The following PAWR variants were observed in gnomAD, a reference collection of about 807,000 sequenced individuals.
PAWR encodes PRKC apoptosis WT1 regulator protein.
PAWR carries 23 observed loss-of-function variants against 32.0 expected under a neutral mutation model. That is an observed-to-expected ratio of 0.72 (90% CI 0.52 to 1.02). The LOEUF (loss-of-function observed/expected upper bound fraction) is 1.02, where lower values mean the gene tolerates loss of function less well. Ranked by LOEUF, PAWR falls within the 50% of genes least tolerant of loss-of-function variation. The pLI is 0.00. For synonymous variants in PAWR, 226 were observed against 187.1 expected, an observed-to-expected ratio of 1.21 and a Z score of -1.70; for missense variants, 457 against 437.7, an observed-to-expected ratio of 1.04 and a Z score of -0.39.
intron 2 of PAWR, among the ~76,000 whole-genome samples, chr12:79,685,198 A>G (rs977242249): frequency 5.9e-5 from 9 of 152,230 alleles, no homozygotes; most frequent in African/African-American, 1.7e-4. Context: ...AACATTTAGG[A>G]AAGCTGGGCT....
In PAWR at chr12:79,690,857, G is replaced by A. The variant is rs1592566089; in HGVS notation, c.-148+15C>T. ...GCCGAGCGTGGAAAGGACCGGGTGT[G>A]AGCGAGCGCCTTACCTTGGAGGAGC... On this transcript the variant is annotated intron_variant, in intron 1 of 6. Coordinates refer to ENST00000328827, the MANE Select transcript of PAWR (RefSeq NM_002583.4). 2 of 152,382 alleles carry A rather than the reference G, an allele frequency of 1.3e-5. No individual in the cohort carries two copies. The highest frequency in any genetic ancestry group is 1.3e-4 in the Admixed American group (2 of 15,310). The allele number at this position is 152,382 out of a possible 1,614,324, so 9.4% of individuals were successfully genotyped here. A position where few individuals can be genotyped will look rare whatever the true frequency, so the allele number is the denominator to read the frequency against.
chr12:79,658,197 G>A (rs528847428), intron 2 of PAWR, among the ~76,000 whole-genome samples: 8 of 152,214 alleles, frequency 5.3e-5, no homozygotes, highest in African/African-American at 1.9e-4. Context: ...ACAGATCTTT[G>A]CACCTGGCAT....
intron 5 of PAWR, 44 bp from the exon 6 acceptor site, chr12:79,594,477 T>G: frequency 2.2e-6 from 2 of 924,878 alleles, no homozygotes; most frequent in Non-Finnish European, 3.4e-6. Context: ...AGTAATTGTT[T>G]ATTTATAATC....
intron 2 of PAWR, chr12:79,668,459 C>G (rs1877719885): frequency 6.6e-6 from 1 of 152,128 alleles, no homozygotes; most frequent in Admixed American, 6.5e-5. Flanking sequence ...AATTATAGAC[C>G]AGTGGTTCCC....
intron 2 of PAWR, among the ~76,000 whole-genome samples, chr12:79,639,648 C>A (rs926095429): frequency 1.3e-5 from 2 of 152,034 alleles, no homozygotes; most frequent in East Asian, 3.9e-4. Context: ...TAATGCATAC[C>A]TTCATTTTCA....
chr12:79,631,574 C>CA (rs1329343510), intron 2 of PAWR, among the ~76,000 whole-genome samples: 2 of 152,042 alleles, frequency 1.3e-5, no homozygotes, highest in South Asian at 2.1e-4. Context: ...AAACAAAATA[C>CA]AAAAAACACA....
At position 79,586,666 on chromosome 12, in the gene PAWR, A is replaced by C. The variant is rs919233461; in HGVS notation, c.*5941T>G. The C allele has an allele frequency of 6.6e-6, 1 of 152,190 alleles. No homozygotes were observed. The highest frequency in any genetic ancestry group is 1.5e-5 in the Non-Finnish European group (1 of 68,010). 9.4% of individuals were successfully genotyped at this position (152,190 alleles called of 1,614,324 possible). ...CTGTTTTTCATATGTGTAAAGTAAA[A>C]ATTCAATCTATCTTTAACCGGCTCA... On this transcript the variant is annotated 3_prime_UTR_variant, in exon 7 of 7. Transcript: ENST00000328827.
At chr12:79,686,031 C>A (rs1878664672) in intron 2 of PAWR, among the ~76,000 whole-genome samples, 1 of 152,192 alleles carries the variant, frequency 6.6e-6, no homozygotes, top group Admixed American at 6.5e-5. Flanking sequence ...TTGCTGTGAA[C>A]TTCAGTACAT....
At chr12:79,669,041 T>C (rs1400188708) in intron 2 of PAWR, among the ~76,000 whole-genome samples, 1 of 152,236 alleles carries the variant, frequency 6.6e-6, no homozygotes, top group Non-Finnish European at 1.5e-5. Context: ...TTTTAAATAA[T>C]TTCACTTATC....
intron 4 of PAWR, among the ~76,000 whole-genome samples, chr12:79,605,120 GTAA>G (rs1454717671): frequency 4.6e-5 from 7 of 151,808 alleles, no homozygotes; most frequent in African/African-American, 7.3e-5. Flanking sequence ...ACATAAACAG[GTAA>G]TAATTTTCTT....
At position 79,585,241 on chromosome 12, in the gene PAWR, T is replaced by C; in HGVS notation, c.*7366A>G. The stretch of plus-strand genomic sequence containing the variant: ...AAAGACCAAGATCTTTGCTTAAAAA[T>C]AGAAATGCATACTGCAGTGGCTCAA... On this transcript the variant is annotated 3_prime_UTR_variant, in exon 7 of 7. Transcript: ENST00000328827. The C allele has an allele frequency of 9.4e-6, 4 of 423,836 alleles. No individual in the cohort carries two copies. Among genetic ancestry groups the C allele is most frequent in the East Asian group, 1.4e-4 (2 of 13,844 alleles). 26.3% of individuals were successfully genotyped at this position (423,836 alleles called of 1,614,324 possible). A position where few individuals can be genotyped will look rare whatever the true frequency, so the allele number is the denominator to read the frequency against.
In PAWR at chr12:79,682,504, T is replaced by C. The variant is rs192071901; in HGVS notation, c.516+7225A>G. Among the ~76,000 whole-genome samples, 28 of 152,334 alleles carry C rather than the reference T, an allele frequency of 1.8e-4. No individual in the cohort carries two copies. The East Asian group carries it at 5.4e-3, about 29-fold the overall frequency. Reference sequence around the variant, plus strand: ...GAGACTATCATTGAAAAATACACTGTGACCCACAAAATTTTGCTGGACAAA... The same window carrying C: ...GAGACTATCATTGAAAAATACACTGCGACCCACAAAATTTTGCTGGACAAA... On this transcript the variant is annotated intron_variant, in intron 2 of 6. Transcript: ENST00000328827.
chr12:79,593,643 G>T (rs1476756612), intron 6 of PAWR, among the ~76,000 whole-genome samples: 1 of 149,008 alleles, frequency 6.7e-6, no homozygotes, highest in Non-Finnish European at 1.5e-5. Context: ...CTGGGCAACA[G>T]AGAGAGACTC....
chr12:79,687,094 A>G (rs2136897618), intron 2 of PAWR, among the ~76,000 whole-genome samples: 1 of 152,342 alleles, frequency 6.6e-6, no homozygotes, highest in Non-Finnish European at 1.5e-5. Flanking sequence ...AAAATAGAAA[A>G]TGTAAAAATT....
Position 79,613,934 on chromosome 12 carries a change from TA to T in PAWR, c.649-326del, listed in dbSNP as rs1874557695. On this transcript the variant is annotated intron_variant, in intron 3 of 6. Coordinates refer to ENST00000328827, the MANE Select transcript of PAWR (RefSeq NM_002583.4). Reference sequence around the variant, plus strand: ...GGGGCATTAAAAAGTACCACCATTATATATATATATATATATATATATATAT... The same window carrying T: ...GGGGCATTAAAAAGTACCACCATTATTATATATATATATATATATATATAT... 2.0e-3 allele frequency among the ~76,000 whole-genome samples: 8 copies of T among 3,984 alleles called. 1 individual carries two copies. Among genetic ancestry groups the T allele is most frequent in the African/African-American group, 3.7e-3 (7 of 1,878 alleles). 2.6% of individuals were successfully genotyped at this position (3,984 alleles called of 152,430 possible). A position where few individuals can be genotyped will look rare whatever the true frequency, so the allele number is the denominator to read the frequency against.
Position 79,690,224 on chromosome 12 carries a change from C to T in PAWR, c.21G>A (p.Arg7=), listed in dbSNP as rs1350541510. 2.0e-6 allele frequency: 3 copies of T among 1,518,442 alleles called. No individual in the cohort carries two copies. The highest frequency in any genetic ancestry group is 2.6e-6 in the Non-Finnish European group (3 of 1,137,830). 94.1% of individuals were successfully genotyped at this position (1,518,442 alleles called of 1,614,324 possible). A position where few individuals can be genotyped will look rare whatever the true frequency, so the allele number is the denominator to read the frequency against. Residue 7 remains arginine, a synonymous_variant, in exon 2 of 7, where the codon CGG becomes CGA. Transcript: ENST00000328827. ...TGCTGCCGCCGAGGCCGCTGCTGGTCCGGTAGCCACCGGTCGCCATATTCC... is the reference window on the plus strand; with the variant it reads ...TGCTGCCGCCGAGGCCGCTGCTGGTTCGGTAGCCACCGGTCGCCATATTCC... MATGGY[R]TSSGLGGSTT...
intron 2 of PAWR, among the ~76,000 whole-genome samples, chr12:79,677,889 G>A (rs1032639463): frequency 6.6e-6 from 1 of 152,080 alleles, no homozygotes; most frequent in Non-Finnish European, 1.5e-5. Context: ...CAAACTCAGG[G>A]ATAACGTTAA....
At chr12:79,639,881 T>TATTCCTATTCCTATTCCCATTCCC in intron 2 of PAWR, among the ~76,000 whole-genome samples, 2 of 112,502 alleles carry the variant, frequency 1.8e-5, no homozygotes, top group African/African-American at 1.0e-4. Context: ...TTCCTATTCC[T>TATTCCTATTCCTATTCCCATTCCC]ATTCCATTCC....
intron 2 of PAWR, among the ~76,000 whole-genome samples, chr12:79,631,358 T>C (rs1414444939): frequency 6.6e-6 from 1 of 152,168 alleles, no homozygotes; most frequent in Admixed American, 6.5e-5. Flanking sequence ...GGTATACATG[T>C]TGGAAAGGAA....
Sources: gnomAD v4.1 joint callset for allele counts (sites outside exome capture counted in the v4.1 genomes callset) on GRCh38, gnomAD v4.1.1 for gene constraint, MANE v1.5 for transcripts, NCBI Gene and HGNC (gene_info 2026-07-23, HGNC 2026-07-21) for gene names.